Variants in SEZ6L2 observed in about 807,000 individuals in gnomAD.
SEZ6L2 encodes seizure 6-like protein 2.
SEZ6L2 carries 44 observed loss-of-function variants against 97.0 expected under a neutral mutation model. The observed-to-expected ratio is 0.45, with a 90% confidence interval of 0.36 to 0.58. SEZ6L2 has a LOEUF of 0.58. Ranked by LOEUF, SEZ6L2 falls within the 20% of genes least tolerant of loss-of-function variation. SEZ6L2 has a pLI of 0.00. For missense variants in SEZ6L2, 1,086 were observed against 1,233.3 expected (o/e 0.88, Z 1.79); for synonymous variants, 543 against 546.1 (o/e 0.99, Z 0.08).
At chr16:29,878,491 C>T in intron 9 of SEZ6L2, 66 bp from the exon 10 acceptor site, 1 of 1,470,252 alleles carries the variant, frequency 6.8e-7, no homozygotes, top group Non-Finnish European at 9.1e-7. Flanking sequence ...CTCCACAGTC[C>T]TCACCACTCG....
In SEZ6L2 at chr16:29,899,084, G is replaced by C; in HGVS notation, c.-65C>G. ...GTAATCTGGCTGCCACCTTTCCTCC[G>C]TCTCCGTTTATCTTTCCCTTTAATT... On this transcript the variant is annotated 5_prime_UTR_variant, in exon 1 of 18. Transcript: ENST00000617533. The C allele has an allele frequency of 9.6e-7, 1 of 1,036,700 alleles. No individual in the cohort carries two copies. The highest frequency in any genetic ancestry group is 1.4e-6 in the Non-Finnish European group (1 of 706,506). The allele number at this position is 1,036,700 out of a possible 1,614,324, so 64.2% of individuals were successfully genotyped here.
intron 3 of SEZ6L2, 152 bp from the exon 4 acceptor site, chr16:29,896,012 G>A: frequency 1.3e-6 from 1 of 790,392 alleles, no homozygotes; most frequent in East Asian, 2.9e-5. Flanking sequence ...ACCCAGGCTG[G>A]AGTGCAGTGG....
chr16:29,896,265 A>C (rs1300465714), intron 3 of SEZ6L2, among the ~76,000 whole-genome samples: 1 of 151,376 alleles, frequency 6.6e-6, no homozygotes, highest in East Asian at 1.9e-4. Context: ...TGCCCCCCTC[A>C]CCATCTTTTA....
Position 29,873,972 on chromosome 16 carries a change from T to TA in SEZ6L2, c.2105-244dup, listed in dbSNP as rs1039178007. Among the ~76,000 whole-genome samples the TA allele has an allele frequency of 6.6e-6, 1 of 151,586 alleles. No individual in the cohort carries two copies. Among genetic ancestry groups the TA allele is most frequent in the Non-Finnish European group, 1.5e-5 (1 of 67,868 alleles). On this transcript the variant is annotated intron_variant, in intron 12 of 17. Transcript: ENST00000617533. This position sits in a 1 kb window ranked among gnomAD's most constrained non-coding sequence, Gnocchi z 4.3. ...CTGGGTGACAGAGTGAGACCCAGTC[T>TA]AAAAAAAATAAAAGAAAATCTCCCA...
intron 8 of SEZ6L2, among the ~76,000 whole-genome samples, chr16:29,880,681 T>A (rs2150790273): frequency 6.6e-6 from 1 of 152,122 alleles, no homozygotes; most frequent in South Asian, 2.1e-4. Flanking sequence ...GGTCTTGAAC[T>A]CCTGGCCTCG....
At chr16:29,889,995 G>A (rs755297764) in intron 5 of SEZ6L2, among the ~76,000 whole-genome samples, 4 of 151,654 alleles carry the variant, frequency 2.6e-5, no homozygotes, top group African/African-American at 7.3e-5. Context: ...TGCAACCTCC[G>A]TCTCCCGGGT....
At chr16:29,877,779 C>T (rs1185252757) in intron 10 of SEZ6L2, among the ~76,000 whole-genome samples, 1 of 152,216 alleles carries the variant, frequency 6.6e-6, no homozygotes, top group African/African-American at 2.4e-5. Flanking sequence ...TAGCCCAACT[C>T]CAGCTCTGGC....
In SEZ6L2 at chr16:29,876,673, AC is replaced by A; in HGVS notation, c.2104+82del. 7.8e-7 allele frequency: 1 copy of A among 1,288,764 alleles called. No homozygotes were observed. Among genetic ancestry groups the A allele is most frequent in the Non-Finnish European group, 1.0e-6 (1 of 958,346 alleles). 79.8% of individuals were successfully genotyped at this position (1,288,764 alleles called of 1,614,324 possible). A position where few individuals can be genotyped will look rare whatever the true frequency, so the allele number is the denominator to read the frequency against. ...AGCGAAGGGATGGAACCCAGAAAGC[AC>A]GGGGGTCGGGACAGGACAGGCCGAC... On this transcript the variant is annotated intron_variant, in intron 12 of 17. Coordinates refer to ENST00000617533, the MANE Select transcript of SEZ6L2 (RefSeq NM_001243332.2). The surrounding 1 kb of genome is among the most constrained non-coding windows in gnomAD (Gnocchi z 6.5).
chr16:29,895,653 C>T, intron 4 of SEZ6L2, 68 bp downstream of exon 4: 2 of 1,543,252 alleles, frequency 1.3e-6, no homozygotes, highest in Non-Finnish European at 1.8e-6. Flanking sequence ...CAGGCCAAAC[C>T]CGTGCACACC....
At position 29,876,048 on chromosome 16, in the gene SEZ6L2, G is replaced by A. The variant is rs1365036152; in HGVS notation, c.2104+708C>T. Among the ~76,000 whole-genome samples, 1 of 152,114 alleles carries A rather than the reference G, an allele frequency of 6.6e-6. No homozygotes were observed. The highest frequency in any genetic ancestry group is 1.5e-5 in the Non-Finnish European group (1 of 68,038). On this transcript the variant is annotated intron_variant, in intron 12 of 17. Coordinates refer to ENST00000617533, the MANE Select transcript of SEZ6L2 (RefSeq NM_001243332.2). The surrounding 1 kb of genome is among the most constrained non-coding windows in gnomAD (Gnocchi z 6.5). ...ACAGCACTTCGCCACGCCCAGGGCA[G>A]CATGCGCCCTGTGAACTTTCCATCT...
intron 7 of SEZ6L2, among the ~76,000 whole-genome samples, chr16:29,887,287 TC>T (rs2068162707): frequency 6.7e-6 from 1 of 150,142 alleles, no homozygotes; most frequent in Non-Finnish European, 1.5e-5. Context: ...CCTCCCTACT[TC>T]CCTGAGGTGG....
At chr16:29,879,220 T>TTTTC (rs889104452) in intron 9 of SEZ6L2, among the ~76,000 whole-genome samples, 8 of 146,842 alleles carry the variant, frequency 5.4e-5, no homozygotes, top group South Asian at 4.3e-4. Flanking sequence ...CCTGTTTCTT[T>TTTTC]TTTCTTTCTT....
At chr16:29,892,561 A>T (rs2068291875) in intron 5 of SEZ6L2, among the ~76,000 whole-genome samples, 1 of 152,258 alleles carries the variant, frequency 6.6e-6, no homozygotes, top group African/African-American at 2.4e-5. Context: ...TGCTATGCAC[A>T]CATGAGCCCC....
intron 6 of SEZ6L2, among the ~76,000 whole-genome samples, chr16:29,888,287 T>C (rs1413732503): frequency 1.3e-5 from 2 of 151,994 alleles, no homozygotes; most frequent in Non-Finnish European, 2.9e-5. Context: ...ACCTCCAGAA[T>C]GGTGACTCCC....
chr16:29,898,983 G>C lies in SEZ6L2; in HGVS notation c.37C>G (p.Gln13Glu). 1 of 1,612,090 alleles carries C rather than the reference G, an allele frequency of 6.2e-7. No homozygotes were observed. ...TPRAQHPPPPQLLFLILLSCP... is the reference protein window; with the variant it reads ...TPRAQHPPPPELLFLILLSCP... ...CTCAGCAGAATTAGGAACAGCAGCT[G>C]GGGAGGCGGCGGGTGCTGGGCCCTG... The change falls in exon 1 of 18, where the codon CAG becomes GAG. Residue 13 changes from glutamine to glutamate, a missense_variant. By Grantham distance (29) the Gln-to-Glu change is conservative. Around this residue, in one of 2 missense-constraint regions of SEZ6L2, gnomAD observed 776 missense variants for 794.7 expected, o/e 0.98. Coordinates refer to ENST00000617533, the MANE Select transcript of SEZ6L2 (RefSeq NM_001243332.2).
At chr16:29,885,214 AAAT>A (rs1489041324) in intron 8 of SEZ6L2, among the ~76,000 whole-genome samples, 1 of 70,618 alleles carries the variant, frequency 1.4e-5, no homozygotes, top group Non-Finnish European at 3.4e-5. Flanking sequence ...CTCAAAAAAT[AAAT>A]AAATAAATAA....
In SEZ6L2 at chr16:29,874,517, TACAA is replaced by T. The variant is rs143922570; in HGVS notation, c.2105-792_2105-789del. Among the ~76,000 whole-genome samples the T allele has an allele frequency of 4.2e-5, 6 of 143,232 alleles. No homozygotes were observed. The East Asian group carries it at 1.2e-3, about 30-fold the overall frequency. The allele number at this position is 143,232 out of a possible 152,430, so 94.0% of individuals were successfully genotyped here. A position where few individuals can be genotyped will look rare whatever the true frequency, so the allele number is the denominator to read the frequency against. ...GAGCTACGTACCCTGCTAAATGTTT[TACAA>T]ACAAATATAATTCTTTGTGTGTGTG... On this transcript the variant is annotated intron_variant, in intron 12 of 17. Transcript: ENST00000617533.
chr16:29,893,718 CTG>C (rs1484391267), intron 5 of SEZ6L2, among the ~76,000 whole-genome samples: 1 of 152,010 alleles, frequency 6.6e-6, no homozygotes, highest in Non-Finnish European at 1.5e-5. Flanking sequence ...GGACTGCTTA[CTG>C]AAGCAGATAA....
At position 29,873,399 on chromosome 16, in the gene SEZ6L2, G is replaced by A. The variant is rs2067829147; in HGVS notation, c.2329C>T (p.Pro777Ser). The change falls in exon 14 of 18, where the codon CCC becomes TCC. Residue 777 changes from proline (P) to serine (S), a missense_variant. Physicochemically the swap from Pro to Ser is moderately conservative, Grantham distance 74. This residue lies in a region of SEZ6L2 where 310 missense variants were observed against 438.6 expected (regional missense o/e 0.71). Coordinates refer to ENST00000617533, the MANE Select transcript of SEZ6L2 (RefSeq NM_001243332.2). This position sits in a 1 kb window ranked among gnomAD's most constrained non-coding sequence, Gnocchi z 4.3. ...TACAGCGTCTGGTAGCCATTCTCGGGAACCCCCGGGTTCAGGCACGGCTCG... is the reference window on the plus strand; with the variant it reads ...TACAGCGTCTGGTAGCCATTCTCGGAAACCCCCGGGTTCAGGCACGGCTCG... The part of the protein sequence containing the change: ...KYEPCLNPGV[P>S]ENGYQTLYKH... The A allele has an allele frequency of 6.2e-7, 1 of 1,614,130 alleles. No homozygotes were observed. Among genetic ancestry groups the A allele is most frequent in the African/African-American group, 1.3e-5 (1 of 74,944 alleles).
Sources: allele counts gnomAD v4.1 joint callset (sites outside exome capture counted in the v4.1 genomes callset), GRCh38; gene constraint gnomAD v4.1.1; regional missense constraint gnomAD v4.1.1; non-coding constraint Gnocchi (gnomAD v3.1); transcripts MANE v1.5; gene names NCBI Gene and HGNC (gene_info 2026-07-23, HGNC 2026-07-21).